Variants in GPA33 observed in about 807,000 individuals in gnomAD.
GPA33 encodes cell surface A33 antigen.
In GPA33, 27 loss-of-function variants were observed where a neutral mutation model predicts 35.6. That is an observed-to-expected ratio of 0.76 (90% CI 0.56 to 1.04). GPA33 has a LOEUF of 1.04. GPA33 is among the 50% of genes least tolerant of loss of function. The probability of loss-of-function intolerance (pLI) is 0.00; values close to 1 mark genes in which losing one functional copy is unlikely to be tolerated. For missense variants in GPA33, 428 were observed against 411.9 expected, an observed-to-expected ratio of 1.04 and a Z score of -0.34; for synonymous variants, 176 against 164.0, an observed-to-expected ratio of 1.07 and a Z score of -0.56.
chr1:167,056,745 G>GCATATGGTGA (rs1558002006), intron 4 of GPA33, among the ~76,000 whole-genome samples: 1 of 5,440 alleles, frequency 1.8e-4, no homozygotes, highest in African/African-American at 7.5e-4. Context: ...TGGTGTGTGT[G>GCATATGGTGA]GTGTGTGTAT....
At chr1:167,071,781 A>T (rs1278372616) in intron 2 of GPA33, among the ~76,000 whole-genome samples, 1 of 152,098 alleles carries the variant, frequency 6.6e-6, no homozygotes, top group African/African-American at 2.4e-5. Flanking sequence ...AGGCTAGAAG[A>T]CCTGCTAGGA....
intron 3 of GPA33, among the ~76,000 whole-genome samples, chr1:167,067,334 C>T (rs897565470): frequency 6.6e-6 from 1 of 151,922 alleles, no homozygotes; most frequent in African/African-American, 2.4e-5. Context: ...GGCTATGTTG[C>T]TCAGGCTGGT....
In GPA33 at chr1:167,076,675, G is replaced by C. The variant is rs55874020; in HGVS notation, c.44-3136C>G. ...CTCCTGGGGTGAGTTTATAATATCC[G>C]GGAGTATTGGATATTGGGAATGAGA... On this transcript the variant is annotated intron_variant, in intron 1 of 6. Coordinates refer to ENST00000367868, the MANE Select transcript of GPA33 (RefSeq NM_005814.3). Among the ~76,000 whole-genome samples the C allele has an allele frequency of 1.6e-4, 24 of 152,152 alleles. 1 individual carries two copies. Among genetic ancestry groups the C allele is most frequent in the African/African-American group, 5.3e-4 (22 of 41,464 alleles).
intron 1 of GPA33, among the ~76,000 whole-genome samples, chr1:167,076,399 A>C (rs1666824543): frequency 6.6e-6 from 1 of 152,080 alleles, no homozygotes; most frequent in South Asian, 2.1e-4. Flanking sequence ...TTCTTACTGA[A>C]TGTTCCCATG....
chr1:167,055,225 G>T, intron 5 of GPA33, 114 bp from the exon 6 acceptor site: 1 of 992,988 alleles, frequency 1.0e-6, no homozygotes, highest in Non-Finnish European at 1.5e-6. Context: ...GAAAGGCATG[G>T]TCTTGGAGGA....
chr1:167,075,317 G>A (rs1207796465), intron 1 of GPA33, among the ~76,000 whole-genome samples: 3 of 152,172 alleles, frequency 2.0e-5, no homozygotes, highest in Non-Finnish European at 2.9e-5. Context: ...TAGTCCAGAT[G>A]AGGGCTAATG....
At chr1:167,057,096 A>C (rs768551580) in intron 4 of GPA33, among the ~76,000 whole-genome samples, 3 of 151,158 alleles carry the variant, frequency 2.0e-5, no homozygotes, top group Admixed American at 6.6e-5. Context: ...GGACGGAGGC[A>C]GACTGTCTAG....
chr1:167,067,239 G>A (rs748709361), intron 3 of GPA33, among the ~76,000 whole-genome samples: 38 of 151,788 alleles, frequency 2.5e-4, no homozygotes, highest in Non-Finnish European at 5.1e-4. Flanking sequence ...GCTCATTGCA[G>A]CCTCGACCTC....
intron 1 of GPA33, among the ~76,000 whole-genome samples, chr1:167,086,164 C>A (rs1490292642): frequency 1.3e-5 from 2 of 152,226 alleles, no homozygotes; most frequent in Non-Finnish European, 2.9e-5. Context: ...GTGATTCATT[C>A]CAGGTGCATG....
intron 1 of GPA33, among the ~76,000 whole-genome samples, chr1:167,083,410 C>A (rs1666991419): frequency 6.6e-6 from 1 of 152,188 alleles, no homozygotes. Flanking sequence ...AGTCAGCCTG[C>A]TGCTAGGGGA....
At chr1:167,077,063 G>A (rs1279795287) in intron 1 of GPA33, among the ~76,000 whole-genome samples, 1 of 152,000 alleles carries the variant, frequency 6.6e-6, no homozygotes, top group African/African-American at 2.4e-5. Context: ...AAAAATTAGC[G>A]ACTGTGGTGG....
chr1:167,084,323 C>T (rs116365180), intron 1 of GPA33, among the ~76,000 whole-genome samples: 2,298 of 152,162 alleles, frequency 0.015, 45 homozygotes, highest in African/African-American at 0.052. Context: ...TGGAGAAAAA[C>T]GGGCAGATTG....
At chr1:167,071,580 G>A (rs1238511648) in intron 2 of GPA33, among the ~76,000 whole-genome samples, 1 of 152,204 alleles carries the variant, frequency 6.6e-6, no homozygotes, top group Non-Finnish European at 1.5e-5. Context: ...CTTTCAGGAA[G>A]CTTAGCTGAC....
chr1:167,055,270 G>C (rs1192625917), intron 5 of GPA33, among the ~76,000 whole-genome samples, 159 bp from the exon 6 acceptor site: 2 of 152,174 alleles, frequency 1.3e-5, no homozygotes, highest in Non-Finnish European at 2.9e-5. Context: ...TATTCTTCAG[G>C]ATGGAGGTGC....
intron 1 of GPA33, among the ~76,000 whole-genome samples, chr1:167,088,438 C>A (rs905902700): frequency 4.6e-5 from 7 of 152,172 alleles, no homozygotes; most frequent in Non-Finnish European, 1.0e-4. Context: ...CTGCTCTGGC[C>A]CCTTCTTCCT....
intron 4 of GPA33, among the ~76,000 whole-genome samples, chr1:167,062,872 G>A (rs1429557116): frequency 6.6e-6 from 1 of 151,982 alleles, no homozygotes; most frequent in Non-Finnish European, 1.5e-5. Flanking sequence ...GCCTGGATAA[G>A]GAATGGGAAA....
intron 1 of GPA33, among the ~76,000 whole-genome samples, chr1:167,081,461 G>A (rs1333204522): frequency 1.3e-5 from 2 of 152,220 alleles, no homozygotes; most frequent in African/African-American, 4.8e-5. Context: ...TCTCAAACTG[G>A]CAGCTGAGAG....
At chr1:167,069,310 T>TTA (rs1055781821) in intron 2 of GPA33, among the ~76,000 whole-genome samples, 172 bp from the exon 3 acceptor site, 1 of 152,144 alleles carries the variant, frequency 6.6e-6, no homozygotes, top group African/African-American at 2.4e-5. Context: ...ATTTCTTGTA[T>TTA]TATATATATA....
At chr1:167,067,767 G>T (rs1466448226) in intron 3 of GPA33, among the ~76,000 whole-genome samples, 1 of 152,178 alleles carries the variant, frequency 6.6e-6, no homozygotes, top group Non-Finnish European at 1.5e-5. Flanking sequence ...TGCCGATCTG[G>T]AGAAATGCGC....
Sources: allele counts gnomAD v4.1 joint callset (sites outside exome capture counted in the v4.1 genomes callset), GRCh38; gene constraint gnomAD v4.1.1; transcripts MANE v1.5; gene names NCBI Gene and HGNC (gene_info 2026-07-23, HGNC 2026-07-21).